The following ADAMTS17 variants were observed in gnomAD, a reference collection of about 807,000 sequenced individuals.
ADAMTS17 encodes the protein A disintegrin and metalloproteinase with thrombospondin motifs 17.
In ADAMTS17, 113 loss-of-function variants were observed where a neutral mutation model predicts 141.5. That is an observed-to-expected ratio of 0.80 (90% CI 0.69 to 0.93). ADAMTS17 has a LOEUF of 0.93. Among genes scored for constraint, ADAMTS17 ranks in the 40% least tolerant of loss-of-function variants. The probability of loss-of-function intolerance (pLI) is 0.00; values close to 1 mark genes in which losing one functional copy is unlikely to be tolerated. For synonymous variants in ADAMTS17, 768 were observed against 630.6 expected, an observed-to-expected ratio of 1.22 and a Z score of -3.27; for missense variants, 1,659 against 1,517.9, an observed-to-expected ratio of 1.09 and a Z score of -1.54.
At chr15:100,087,417 G>A (rs1312036817) in intron 15 of ADAMTS17, among the ~76,000 whole-genome samples, 5 of 151,802 alleles carry the variant, frequency 3.3e-5, no homozygotes, top group South Asian at 2.1e-4. Flanking sequence ...GTACAAGGAG[G>A]AGCTGGTACC....
intron 7 of ADAMTS17, among the ~76,000 whole-genome samples, chr15:100,233,523 T>C (rs2042556340): frequency 6.6e-6 from 1 of 152,116 alleles, no homozygotes; most frequent in Non-Finnish European, 1.5e-5. Flanking sequence ...TTTAAATGTT[T>C]TGATTAGTGA....
intron 7 of ADAMTS17, among the ~76,000 whole-genome samples, chr15:100,253,071 T>C (rs1361874030): frequency 1.3e-5 from 2 of 151,912 alleles, no homozygotes; most frequent in African/African-American, 4.8e-5. Flanking sequence ...ACAGTATATA[T>C]TTTTCACACC....
intron 15 of ADAMTS17, among the ~76,000 whole-genome samples, chr15:100,076,323 G>A (rs148535658): frequency 0.012 from 1,769 of 152,296 alleles, 40 homozygotes; most frequent in African/African-American, 0.041. Context: ...GGTTACAGGC[G>A]TGAGCCATTG....
intron 7 of ADAMTS17, among the ~76,000 whole-genome samples, chr15:100,215,365 A>C (rs970312360): frequency 7.2e-5 from 11 of 152,146 alleles, no homozygotes; most frequent in African/African-American, 2.4e-4. Context: ...TTAGGGCCCG[A>C]ATGTCTGGCG....
chr15:100,232,603 G>C (rs1240355369), intron 7 of ADAMTS17, among the ~76,000 whole-genome samples: 1 of 152,196 alleles, frequency 6.6e-6, no homozygotes, highest in Non-Finnish European at 1.5e-5. Context: ...TCTCACGCTG[G>C]GCAGCCACAA....
At chr15:100,037,497 G>A (rs1379574458) in intron 18 of ADAMTS17, among the ~76,000 whole-genome samples, 1 of 150,696 alleles carries the variant, frequency 6.6e-6, no homozygotes, top group Non-Finnish European at 1.5e-5. Flanking sequence ...TGCAACCTTC[G>A]CCTCTGGGGC....
intron 3 of ADAMTS17, among the ~76,000 whole-genome samples, chr15:100,297,987 A>C (rs1235873004): frequency 6.6e-6 from 1 of 151,998 alleles, no homozygotes; most frequent in Non-Finnish European, 1.5e-5. Context: ...CAGAGTGCCC[A>C]GGAAGGAAGG....
rs1707131174 is a variant in ADAMTS17, at chr15:100,048,936, C to T, written c.2512G>A (p.Val838Met). ...GCTTGAGGGCAGTCACTGTCGTTCACCAGAGTTGTGGTCTTGTTGACAATC... is the reference window on the plus strand; with the variant it reads ...GCTTGAGGGCAGTCACTGTCGTTCATCAGAGTTGTGGTCTTGTTGACAATC... ...TRIVNKTTTLVNDSDCPQASR... is the reference protein window; with the variant it reads ...TRIVNKTTTLMNDSDCPQASR... The change falls in exon 18 of 22, where the codon GTG becomes ATG. Residue 838 changes from valine to methionine, a missense_variant. By Grantham distance (21) the Val-to-Met change is conservative (BLOSUM62 1). Coordinates refer to ENST00000268070, the MANE Select transcript of ADAMTS17 (RefSeq NM_139057.4). 2 of 1,614,028 alleles carry T rather than the reference C, an allele frequency of 1.2e-6. No individual in the cohort carries two copies. Among genetic ancestry groups the T allele is most frequent in the African/African-American group, 1.3e-5 (1 of 74,908 alleles).
intron 14 of ADAMTS17, among the ~76,000 whole-genome samples, chr15:100,107,514 G>A (rs2036483423): frequency 6.6e-6 from 1 of 152,136 alleles, no homozygotes; most frequent in African/African-American, 2.4e-5. Context: ...CGCTCCCTGG[G>A]TGCTGTGGTC....
intron 20 of ADAMTS17, among the ~76,000 whole-genome samples, chr15:99,986,694 T>C (rs1049749133): frequency 3.3e-5 from 5 of 152,192 alleles, no homozygotes; most frequent in Admixed American, 1.3e-4. Flanking sequence ...GTGTTTTTCA[T>C]TGGAAACATC....
Position 100,330,882 on chromosome 15 carries a change from G to T in ADAMTS17, c.616+7C>A. 6.2e-7 allele frequency: 1 copy of T among 1,613,886 alleles called. No homozygotes were observed. The highest frequency in any genetic ancestry group is 1.1e-5 in the South Asian group (1 of 91,050). On this transcript the variant is annotated splice_region_variant and intron_variant, in intron 3 of 21. Coordinates refer to ENST00000268070, the MANE Select transcript of ADAMTS17 (RefSeq NM_139057.4). ...TCTAAGCTGGTCATGCTGCTGCCCC[G>T]ACTCACCTGTTAGAACCTTGCAGAG... is the stretch of plus-strand genomic sequence containing the variant.
intron 8 of ADAMTS17, among the ~76,000 whole-genome samples, chr15:100,166,212 T>C (rs938451095): frequency 6.6e-6 from 1 of 152,276 alleles, no homozygotes; most frequent in Non-Finnish European, 1.5e-5. Context: ...ATCTGCTTTT[T>C]ATTCTATTGT....
intron 15 of ADAMTS17, among the ~76,000 whole-genome samples, chr15:100,089,944 G>T (rs1235297907): frequency 2.0e-5 from 3 of 150,796 alleles, no homozygotes; most frequent in Non-Finnish European, 4.4e-5. Context: ...TAACAAACCT[G>T]CCTGTTGTGC....
chr15:100,118,004 A>G (rs1047647920), intron 12 of ADAMTS17, among the ~76,000 whole-genome samples: 15 of 152,156 alleles, frequency 9.9e-5, no homozygotes, highest in Non-Finnish European at 2.9e-5. Flanking sequence ...GCCATTTTCC[A>G]TGTTCAGAGA....
intron 4 of ADAMTS17, among the ~76,000 whole-genome samples, chr15:100,280,869 G>A (rs557450205): frequency 1.3e-5 from 2 of 152,220 alleles, no homozygotes; most frequent in Admixed American, 1.3e-4. Flanking sequence ...GTTGGAATTT[G>A]TTCCCCCCGC....
At chr15:100,249,680 G>A (rs1007556883) in intron 7 of ADAMTS17, among the ~76,000 whole-genome samples, 3 of 152,214 alleles carry the variant, frequency 2.0e-5, no homozygotes, top group African/African-American at 4.8e-5. Flanking sequence ...TCCAGTAGGT[G>A]CCCTTGGCTC....
At chr15:100,174,809 G>A (rs986000100) in intron 8 of ADAMTS17, among the ~76,000 whole-genome samples, 1 of 152,196 alleles carries the variant, frequency 6.6e-6, no homozygotes, top group African/African-American at 2.4e-5. Flanking sequence ...AGGATTGCAT[G>A]AACGACAGTA....
At chr15:100,019,804 A>T (rs1310385094) in intron 18 of ADAMTS17, among the ~76,000 whole-genome samples, 1 of 152,234 alleles carries the variant, frequency 6.6e-6, no homozygotes, top group Non-Finnish European at 1.5e-5. Flanking sequence ...CTGAAGCAGC[A>T]GCTGCCGTGG....
At chr15:100,262,796 AAC>A (rs1413560322) in intron 4 of ADAMTS17, among the ~76,000 whole-genome samples, 5 of 151,476 alleles carry the variant, frequency 3.3e-5, no homozygotes, top group South Asian at 2.1e-4. Context: ...AAAAAAAAAA[AAC>A]AAAAAACCTA....
Sources: allele counts gnomAD v4.1 joint callset (sites outside exome capture counted in the v4.1 genomes callset), GRCh38; gene constraint gnomAD v4.1.1; transcripts MANE v1.5; gene names NCBI Gene and HGNC (gene_info 2026-07-23, HGNC 2026-07-21).